The following SLCO3A1 variants were observed in gnomAD, a reference collection of about 807,000 sequenced individuals.
The protein encoded by SLCO3A1 is PGE1 transporter.
Under a neutral mutation model 63.1 loss-of-function variants are expected in SLCO3A1, and 27 were observed. The ratio of observed to expected loss-of-function variants is 0.43; its 90% CI spans 0.32 to 0.59. SLCO3A1 has a LOEUF of 0.59. SLCO3A1 is among the 20% of genes least tolerant of loss of function. The pLI is 0.09. For synonymous variants in SLCO3A1, 473 were observed against 409.9 expected (o/e 1.15, Z -1.86); for missense variants, 773 against 945.8 (o/e 0.82, Z 2.40).
At chr15:92,026,662 G>T (rs140740793) in intron 2 of SLCO3A1, among the ~76,000 whole-genome samples, 1 of 152,286 alleles carries the variant, frequency 6.6e-6, no homozygotes, top group South Asian at 2.1e-4. Context: ...AAAAAGCTAT[G>T]CAGGACAAGG....
Position 91,942,405 on chromosome 15 carries a change from A to G in SLCO3A1, c.646+25947A>G, listed in dbSNP as rs994959919. On this transcript the variant is annotated intron_variant, in intron 2 of 9. Coordinates refer to ENST00000318445, the MANE Select transcript of SLCO3A1 (RefSeq NM_013272.4). This position sits in a 1 kb window ranked among gnomAD's most constrained non-coding sequence, Gnocchi z 4.1. ...ATATTCCTATAGCTGTGCAGGTAAA[A>G]CATGCCATTTAGCAGTGCTACTATG... 6.6e-6 allele frequency among the ~76,000 whole-genome samples: 1 copy of G among 152,156 alleles called. No individual in the cohort carries two copies. Among genetic ancestry groups the G allele is most frequent in the African/African-American group, 2.4e-5 (1 of 41,414 alleles).
At chr15:92,151,062 A>G in intron 9 of SLCO3A1, 48 bp downstream of exon 9, 1 of 1,261,100 alleles carries the variant, frequency 7.9e-7, no homozygotes, top group Non-Finnish European at 1.2e-6. Flanking sequence ...GATGCTTATT[A>G]CTAGGTGAGT....
intron 1 of SLCO3A1, among the ~76,000 whole-genome samples, chr15:91,889,766 G>T (rs1240337745): frequency 6.6e-6 from 1 of 152,176 alleles, no homozygotes; most frequent in Non-Finnish European, 1.5e-5. Flanking sequence ...TTTTCCATAG[G>T]TTGTTTGAAT....
intron 1 of SLCO3A1, among the ~76,000 whole-genome samples, chr15:91,880,520 C>G (rs771832571): frequency 1.3e-4 from 20 of 152,038 alleles, no homozygotes; most frequent in Admixed American, 7.9e-4. Flanking sequence ...CACAGTCTCT[C>G]CTGCTCCCTA....
intron 4 of SLCO3A1, among the ~76,000 whole-genome samples, chr15:92,111,040 G>A (rs2047722708): frequency 6.6e-6 from 1 of 152,200 alleles, no homozygotes; most frequent in African/African-American, 2.4e-5. Flanking sequence ...GCTTCATGTT[G>A]TCGCTTGTCC....
rs370731157 is a variant in SLCO3A1, at chr15:92,013,994, CGCG to C, written c.647-80886_647-80884del. On this transcript the variant is annotated intron_variant, in intron 2 of 9. Transcript: ENST00000318445. ...TCACCAAAAATAGGTGACCTCCCCTCGCGTGGTCACTCCCACCCCCATCTTTTC... is the reference window on the plus strand; with the variant it reads ...TCACCAAAAATAGGTGACCTCCCCTCTGGTCACTCCCACCCCCATCTTTTC... Among the ~76,000 whole-genome samples, 21 of 152,230 alleles carry C rather than the reference CGCG, an allele frequency of 1.4e-4. No homozygotes were observed. The East Asian group carries it at 3.7e-3, about 27-fold the overall frequency.
At chr15:91,901,259 A>G (rs1472471605) in intron 1 of SLCO3A1, among the ~76,000 whole-genome samples, 2 of 152,192 alleles carry the variant, frequency 1.3e-5, no homozygotes, top group Non-Finnish European at 2.9e-5. Flanking sequence ...CCTCCAGTAT[A>G]GCTCCATTTC....
chr15:92,126,200 C>T lies in SLCO3A1; in HGVS notation c.1314C>T (p.Phe438=). ...TGTCCACTGCTTGCTACGTCTCCTT[C>T]CTCTTCCTGGGCTGCGACACTGGCC... ...NLVSTACYVS[F]LFLGCDTGPV... Residue 438 remains phenylalanine, a synonymous_variant, in exon 6 of 10, where the codon TTC becomes TTT. Coordinates refer to ENST00000318445, the MANE Select transcript of SLCO3A1 (RefSeq NM_013272.4). 6.2e-7 allele frequency: 1 copy of T among 1,614,058 alleles called. No homozygotes were observed. The highest frequency in any genetic ancestry group is 8.5e-7 in the Non-Finnish European group (1 of 1,180,022).
At chr15:92,025,262 C>G (rs1263129120) in intron 2 of SLCO3A1, among the ~76,000 whole-genome samples, 1 of 142,354 alleles carries the variant, frequency 7.0e-6, no homozygotes, top group African/African-American at 2.6e-5. Flanking sequence ...TTTTTAAATT[C>G]AAGAAGCCAA....
Position 91,911,604 on chromosome 15 carries a change from A to G in SLCO3A1, c.181-4389A>G, listed in dbSNP as rs546400751. 7.2e-5 allele frequency among the ~76,000 whole-genome samples: 11 copies of G among 152,176 alleles called. No homozygotes were observed. The East Asian group carries it at 1.9e-3, about 27-fold the overall frequency. On this transcript the variant is annotated intron_variant, in intron 1 of 9. Transcript: ENST00000318445. The stretch of plus-strand genomic sequence containing the variant: ...CGCATATCTATATCTATCTATATAT[A>G]TACGTATCTATATCTATATAGATAT...
chr15:91,908,285 A>G lies in SLCO3A1; in HGVS notation c.181-7708A>G, dbSNP rs1002530931. ...AGAGTCTGTGTCTATGAGATTCTCC[A>G]TATGATTCTTACTCTGCTTTTTAAA... On this transcript the variant is annotated intron_variant, in intron 1 of 9. Transcript: ENST00000318445. Among the ~76,000 whole-genome samples, 5 of 149,062 alleles carry G rather than the reference A, an allele frequency of 3.4e-5. No homozygotes were observed. The South Asian group carries it at 1.1e-3, about 32-fold the overall frequency.
At chr15:91,899,557 C>T (rs1012211818) in intron 1 of SLCO3A1, among the ~76,000 whole-genome samples, 1 of 152,124 alleles carries the variant, frequency 6.6e-6, no homozygotes, top group Non-Finnish European at 1.5e-5. Flanking sequence ...TTGCATTTAC[C>T]ACATTCCACC....
chr15:92,049,314 GA>G (rs536953514), intron 2 of SLCO3A1, among the ~76,000 whole-genome samples: 2 of 152,040 alleles, frequency 1.3e-5, no homozygotes, highest in African/African-American at 4.8e-5. Context: ...AGATTCCCAG[GA>G]AAAAAACTAT....
chr15:91,960,419 C>T (rs8025507), intron 2 of SLCO3A1, among the ~76,000 whole-genome samples: 2 of 151,960 alleles, frequency 1.3e-5, no homozygotes, highest in East Asian at 1.9e-4. Context: ...CACTTTTTCA[C>T]TGTGAAGAAT....
chr15:92,132,110 G>A lies in SLCO3A1; in HGVS notation c.1512+3621G>A, dbSNP rs558572647. ...GATCCAGGGGTAATACCATTCTCTTGTTTAGCAGTTGGCAAGTGGGTAGGT... is the reference window on the plus strand; with the variant it reads ...GATCCAGGGGTAATACCATTCTCTTATTTAGCAGTTGGCAAGTGGGTAGGT... On this transcript the variant is annotated intron_variant, in intron 7 of 9. Transcript: ENST00000318445. Among the ~76,000 whole-genome samples the A allele has an allele frequency of 1.1e-4, 16 of 145,396 alleles. 2 individuals carry two copies. The highest frequency in any genetic ancestry group is 2.5e-4 in the Non-Finnish European group (16 of 65,042).
At chr15:92,022,593 C>T (rs191979044) in intron 2 of SLCO3A1, among the ~76,000 whole-genome samples, 9 of 152,210 alleles carry the variant, frequency 5.9e-5, no homozygotes, top group African/African-American at 1.9e-4. Context: ...ATTTTGTTTT[C>T]GAATTCACCC....
chr15:91,938,913 T>G (rs921315304), intron 2 of SLCO3A1, among the ~76,000 whole-genome samples: 4 of 152,044 alleles, frequency 2.6e-5, no homozygotes, highest in Non-Finnish European at 4.4e-5. Context: ...AGAAGTTGGG[T>G]AGGGAAGGGC....
intron 1 of SLCO3A1, among the ~76,000 whole-genome samples, chr15:91,867,732 C>T (rs1342562077): frequency 2.0e-5 from 3 of 152,184 alleles, no homozygotes; most frequent in Non-Finnish European, 2.9e-5. Context: ...AGAGGCCACT[C>T]CTCCCTGGAA....
rs1844178609 is a variant in SLCO3A1 at position 92,164,737 on chromosome 15, G to T, written c.*1602G>T. On this transcript the variant is annotated 3_prime_UTR_variant, in exon 10 of 10. Coordinates refer to ENST00000318445, the MANE Select transcript of SLCO3A1 (RefSeq NM_013272.4). ...CCCTTGTCTGTGTGTTTTGAAGGTG[G>T]GTGAACCTCAGAGAATGAACCTGTT... 1 of 985,296 alleles carries T rather than the reference G, an allele frequency of 1.0e-6. No individual in the cohort carries two copies. Among genetic ancestry groups the T allele is most frequent in the African/African-American group, 1.7e-5 (1 of 57,306 alleles). 61.0% of individuals were successfully genotyped at this position (985,296 alleles called of 1,614,324 possible).
Sources: gnomAD v4.1 joint callset for allele counts (sites outside exome capture counted in the v4.1 genomes callset) on GRCh38, gnomAD v4.1.1 for gene constraint, Gnocchi (gnomAD v3.1) non-coding constraint, MANE v1.5 for transcripts, NCBI Gene and HGNC (gene_info 2026-07-23, HGNC 2026-07-21) for gene names.